The following MESD variants were observed in gnomAD, a reference collection of about 807,000 sequenced individuals.
MESD encodes mesoderm development LRP chaperone, also known as LRP chaperone MESD.
MESD carries 7 observed loss-of-function variants against 12.9 expected under a neutral mutation model. The observed-to-expected ratio is 0.54, with a 90% CI of 0.31 to 1.02. The LOEUF (loss-of-function observed/expected upper bound fraction) is 1.02. Ranked by LOEUF, MESD falls within the 50% of genes least tolerant of loss-of-function variation. The probability of loss-of-function intolerance (pLI) is 0.05; values close to 1 mark genes in which losing one functional copy is unlikely to be tolerated. For synonymous variants in MESD, 126 were observed against 115.6 expected, an observed-to-expected ratio of 1.09 and a Z score of -0.58; for missense variants, 342 against 296.7, an observed-to-expected ratio of 1.15 and a Z score of -1.12.
intron 3 of MESD, among the ~76,000 whole-genome samples, chr15:80,965,195 A>G (rs1349722326): frequency 6.6e-6 from 1 of 152,274 alleles, no homozygotes; most frequent in Non-Finnish European, 1.5e-5. Context: ...GCCAACAGAC[A>G]TATGAAAAAA....
Position 80,954,314 on chromosome 15 carries a change from G to A in MESD, c.*289-2018C>T, listed in dbSNP as rs114323193. 7.3e-3 allele frequency among the ~76,000 whole-genome samples: 1,114 copies of A among 152,316 alleles called. 16 individuals carry two copies. The highest frequency in any genetic ancestry group is 0.026 in the African/African-American group (1,067 of 41,564). ...GTTTTCCCATATCTGGCAGAGTTCT[G>A]TTGGGTAATGTGTGCTTGCTGTGTT... On this transcript the variant is annotated intron_variant, in intron 3 of 4. Transcript: ENST00000561312.
intron 1 of MESD, among the ~76,000 whole-genome samples, chr15:80,986,943 G>A (rs1011685641): frequency 7.9e-5 from 12 of 152,066 alleles, no homozygotes; most frequent in Non-Finnish European, 4.4e-5. Context: ...AATCCTACCC[G>A]GTTCCATTTA....
At chr15:80,956,334 A>G (rs993266585) in intron 3 of MESD, among the ~76,000 whole-genome samples, 1 of 152,224 alleles carries the variant, frequency 6.6e-6, no homozygotes, top group Non-Finnish European at 1.5e-5. Context: ...AAGGCGTCCA[A>G]CTGCTCCCCT....
intron 1 of MESD, among the ~76,000 whole-genome samples, chr15:80,983,303 C>T (rs967944803): frequency 1.3e-5 from 2 of 151,656 alleles, no homozygotes; most frequent in Admixed American, 6.6e-5. Context: ...TTAAAATCTG[C>T]ACTCCATGTA....
intron 3 of MESD, among the ~76,000 whole-genome samples, chr15:80,962,050 T>C (rs1322512665): frequency 6.6e-6 from 1 of 152,194 alleles, no homozygotes; most frequent in African/African-American, 2.4e-5. Flanking sequence ...ACTGGCAAAT[T>C]GGACAAAGAG....
chr15:80,951,855 A>G (rs1277639450), intron 4 of MESD: 1 of 161,602 alleles, frequency 6.2e-6, no homozygotes, highest in Non-Finnish European at 1.4e-5. Flanking sequence ...ATAACCTAAG[A>G]TAAACAGTTA....
At chr15:80,960,943 G>A (rs1218535529) in intron 3 of MESD, among the ~76,000 whole-genome samples, 2 of 152,156 alleles carry the variant, frequency 1.3e-5, no homozygotes. Flanking sequence ...AAAGTCCTGG[G>A]TTAGGGAATT....
intron 4 of MESD, chr15:80,951,444 T>G (rs1288102624): frequency 6.6e-6 from 1 of 152,630 alleles, no homozygotes; most frequent in African/African-American, 2.4e-5. Context: ...TTAAGTGAGT[T>G]AGGTCTTTAA....
downstream of MESD, among the ~76,000 whole-genome samples, chr15:80,970,992 G>A (rs1387627170): frequency 6.6e-6 from 1 of 152,166 alleles, no homozygotes; most frequent in East Asian, 1.9e-4. Flanking sequence ...GATATCAAGG[G>A]TAAGAAGTTC....
At chr15:80,949,245 G>A (rs1901713449) in intron 4 of MESD, 1 of 408,900 alleles carries the variant, frequency 2.4e-6, no homozygotes, top group Non-Finnish European at 4.6e-6. Context: ...CCTGGGTTGT[G>A]CTGACAGCAA....
exon 5 of MESD, chr15:80,948,519 C>T: frequency 2.1e-6 from 1 of 483,862 alleles, no homozygotes; most frequent in South Asian, 2.0e-5. Context: ...TTACAGTTTG[C>T]CCCATTTCCT....
At chr15:80,975,711 TGAA>T (rs1408472799), downstream of MESD, 3 of 152,040 alleles carry the variant, frequency 2.0e-5, no homozygotes, top group South Asian at 4.2e-4. Context: ...AGCCTGAGGA[TGAA>T]GAAGGAAAGA....
Position 80,977,322 on chromosome 15 carries a change from A to ATTTAC in MESD, c.*1896_*1897insGTAAA, listed in dbSNP as rs531060019. On this transcript the variant is annotated 3_prime_UTR_variant, in exon 3 of 3. Coordinates refer to ENST00000261758, the MANE Select transcript of MESD (RefSeq NM_015154.3). The stretch of plus-strand genomic sequence containing the variant: ...CCATTTTACTTTGTACATTACTGAC[A>ATTTAC]TTTGTCTTCCCCCACCGAATCATTG... The ATTTAC allele has an allele frequency of 6.6e-6, 1 of 152,150 alleles. No homozygotes were observed. Among genetic ancestry groups the ATTTAC allele is most frequent in the African/African-American group, 2.4e-5 (1 of 41,404 alleles). The allele number at this position is 152,150 out of a possible 1,614,324, so 9.4% of individuals were successfully genotyped here. A position where few individuals can be genotyped will look rare whatever the true frequency, so the allele number is the denominator to read the frequency against.
At chr15:80,983,894 CTTTTTTTTTT>C (rs10570822) in intron 1 of MESD, among the ~76,000 whole-genome samples, 4,133 of 88,668 alleles carry the variant, frequency 0.047, 244 homozygotes, top group African/African-American at 0.16. Flanking sequence ...AAAACAGTAA[CTTTTTTTTTT>C]TTTTTTTTTT....
intron 3 of MESD, among the ~76,000 whole-genome samples, chr15:80,957,151 T>C (rs1253181289): frequency 6.6e-6 from 1 of 152,110 alleles, no homozygotes; most frequent in Non-Finnish European, 1.5e-5. Context: ...TGGGAGGAAA[T>C]TGTCTCATGT....
At chr15:80,953,718 G>A (rs1304192519) in intron 3 of MESD, among the ~76,000 whole-genome samples, 1 of 152,192 alleles carries the variant, frequency 6.6e-6, no homozygotes, top group African/African-American at 2.4e-5. Flanking sequence ...AGGAGTTGCT[G>A]GAGGAAAGGG....
At chr15:80,970,065 A>T (rs1387410185) in intron 3 of MESD, among the ~76,000 whole-genome samples, 1 of 152,194 alleles carries the variant, frequency 6.6e-6, no homozygotes, top group Non-Finnish European at 1.5e-5. Context: ...TTCCAAGAGA[A>T]TTCAGAGAGA....
chr15:80,951,407 C>T (rs1238736236), intron 4 of MESD: 1 of 152,536 alleles, frequency 6.6e-6, no homozygotes, highest in Non-Finnish European at 1.5e-5. Context: ...AGAAAATTGT[C>T]CTCCTTGTTA....
Position 80,968,430 on chromosome 15 carries a change from T to C in MESD, c.*288+10501A>G, listed in dbSNP as rs184692320. Among the ~76,000 whole-genome samples the C allele has an allele frequency of 2.0e-5, 3 of 152,292 alleles. No individual in the cohort carries two copies. In the East Asian group the frequency reaches 5.8e-4, roughly 29 times the overall value. On this transcript the variant is annotated intron_variant, in intron 3 of 4. Transcript: ENST00000561312. ...TATCCTGCCTTCTCCTAGCTGTGAC[T>C]CTCAGCAAGGGGCTTAACCCCTACA... is the stretch of plus-strand genomic sequence containing the variant.
Sources: gnomAD v4.1 joint callset for allele counts (sites outside exome capture counted in the v4.1 genomes callset) on GRCh38, gnomAD v4.1.1 for gene constraint, MANE v1.5 for transcripts, NCBI Gene and HGNC (gene_info 2026-07-23, HGNC 2026-07-21) for gene names.